SUPT3H: variants seen among roughly 807,000 people sequenced by gnomAD.
SUPT3H encodes SPT3 homolog, SAGA and STAGA complex component.
Under a neutral mutation model 44.3 loss-of-function variants are expected in SUPT3H, and 44 were observed. The ratio of observed to expected loss-of-function variants is 0.99; its 90% CI spans 0.78 to 1.28. SUPT3H has a LOEUF of 1.28. Ranked by LOEUF, SUPT3H falls within the 50% of genes most tolerant of loss-of-function variation. The probability of loss-of-function intolerance (pLI) is 0.00; values close to 1 mark genes in which losing one functional copy is unlikely to be tolerated. For missense variants in SUPT3H, 380 were observed against 387.1 expected, an observed-to-expected ratio of 0.98 and a Z score of 0.15; for synonymous variants, 124 against 125.6, an observed-to-expected ratio of 0.99 and a Z score of 0.09.
At chr6:45,160,799 G>A (rs1229618296) in intron 2 of SUPT3H, among the ~76,000 whole-genome samples, 1 of 152,044 alleles carries the variant, frequency 6.6e-6, no homozygotes, top group African/African-American at 2.4e-5. Context: ...TTCCATTCTA[G>A]GTCTTGATAT....
At chr6:45,264,863 A>C (rs1474404412) in intron 2 of SUPT3H, among the ~76,000 whole-genome samples, 2 of 152,154 alleles carry the variant, frequency 1.3e-5, no homozygotes, top group African/African-American at 4.8e-5. Context: ...AAATTTAGAA[A>C]ACATGAGAAC....
At chr6:45,214,764 A>T (rs1463839204) in intron 2 of SUPT3H, among the ~76,000 whole-genome samples, 2 of 152,152 alleles carry the variant, frequency 1.3e-5, no homozygotes, top group Non-Finnish European at 2.9e-5. Flanking sequence ...GAGGAAGATC[A>T]CTTGAGCCAA....
At chr6:44,865,913 G>C (rs1332621085) in intron 10 of SUPT3H, among the ~76,000 whole-genome samples, 1 of 152,166 alleles carries the variant, frequency 6.6e-6, no homozygotes, top group Non-Finnish European at 1.5e-5. Flanking sequence ...GGGGAGACCT[G>C]AGTCTGCTAA....
At chr6:45,044,973 G>A (rs1308024812) in intron 3 of SUPT3H, among the ~76,000 whole-genome samples, 4 of 152,062 alleles carry the variant, frequency 2.6e-5, no homozygotes, top group Non-Finnish European at 5.9e-5. Context: ...CATCTCTAAG[G>A]TAGCAGTTCT....
chr6:45,134,634 C>G (rs1278853900), intron 2 of SUPT3H, among the ~76,000 whole-genome samples: 1 of 142,354 alleles, frequency 7.0e-6, no homozygotes, highest in Admixed American at 6.9e-5. Flanking sequence ...AGGGTGAAGG[C>G]ATAGGACAGA....
chr6:45,237,314 T>A (rs997037662), intron 2 of SUPT3H, among the ~76,000 whole-genome samples: 1 of 152,170 alleles, frequency 6.6e-6, no homozygotes, highest in African/African-American at 2.4e-5. Context: ...ATAGTTGGAG[T>A]TGGTAAAGCC....
At chr6:45,181,472 T>C (rs1259109194) in intron 2 of SUPT3H, among the ~76,000 whole-genome samples, 3 of 151,946 alleles carry the variant, frequency 2.0e-5, no homozygotes, top group African/African-American at 7.3e-5. Flanking sequence ...AACCCAAATG[T>C]CCAACAATGA....
At chr6:44,854,718 C>T (rs182650532) in intron 10 of SUPT3H, among the ~76,000 whole-genome samples, 223 of 152,110 alleles carry the variant, frequency 1.5e-3, no homozygotes, top group African/African-American at 5.2e-3. Flanking sequence ...AGTAAAAATG[C>T]CAGCATTTAA....
intron 2 of SUPT3H, among the ~76,000 whole-genome samples, chr6:45,352,729 T>C (rs915917015): frequency 6.6e-6 from 1 of 151,614 alleles, no homozygotes; most frequent in African/African-American, 2.4e-5. Context: ...TTCTTTAAAA[T>C]AGAACCATTT....
At chr6:45,374,928 C>T (rs1319428048) in intron 1 of SUPT3H, among the ~76,000 whole-genome samples, 4 of 152,106 alleles carry the variant, frequency 2.6e-5, no homozygotes, top group Non-Finnish European at 5.9e-5. Flanking sequence ...TATTTCTGGC[C>T]GGGCACGGTG....
Position 45,037,509 on chromosome 6 carries a change from A to G in SUPT3H, c.187-16877T>C, listed in dbSNP as rs969561958. On this transcript the variant is annotated intron_variant, in intron 3 of 10. Coordinates refer to ENST00000371459, the MANE Select transcript of SUPT3H (RefSeq NM_003599.4). ...TAAAAATACAAAAAAAAAAAGAAAA[A>G]AAAAGTTAGCCAGGTGTTGTGATGC... Among the ~76,000 whole-genome samples, 4 of 151,092 alleles carry G rather than the reference A, an allele frequency of 2.6e-5. No individual in the cohort carries two copies. The South Asian group carries it at 6.3e-4, about 24-fold the overall frequency.
At chr6:45,173,733 A>G (rs1013793150) in intron 2 of SUPT3H, among the ~76,000 whole-genome samples, 23 of 152,264 alleles carry the variant, frequency 1.5e-4, no homozygotes, top group African/African-American at 5.5e-4. Flanking sequence ...GGCCACATAC[A>G]TACTTCAAAA....
intron 2 of SUPT3H, among the ~76,000 whole-genome samples, chr6:45,207,810 G>A (rs1763429643): frequency 6.6e-6 from 1 of 151,956 alleles, no homozygotes; most frequent in Non-Finnish European, 1.5e-5. Context: ...CTACCACCTG[G>A]CTATTCTCCC....
intron 6 of SUPT3H, among the ~76,000 whole-genome samples, chr6:44,993,033 C>T (rs541488243): frequency 1.3e-5 from 2 of 151,958 alleles, no homozygotes; most frequent in African/African-American, 2.4e-5. Context: ...TGTGGTGGCA[C>T]GTTCCTGTAG....
chr6:44,883,014 C>T (rs533154707), intron 10 of SUPT3H, among the ~76,000 whole-genome samples: 1 of 152,216 alleles, frequency 6.6e-6, no homozygotes, highest in African/African-American at 2.4e-5. Flanking sequence ...CTATTCAACA[C>T]AGTATTTGAA....
At chr6:45,192,493 TA>T (rs1815310274) in intron 2 of SUPT3H, among the ~76,000 whole-genome samples, 1 of 152,188 alleles carries the variant, frequency 6.6e-6, no homozygotes, top group South Asian at 2.1e-4. Context: ...TTTATGTTTT[TA>T]AAGAGTATGT....
At chr6:44,814,208 C>G (rs1466420470) in intron 11 of SUPT3H, among the ~76,000 whole-genome samples, 1 of 152,124 alleles carries the variant, frequency 6.6e-6, no homozygotes, top group Non-Finnish European at 1.5e-5. Flanking sequence ...TAATGCAAAA[C>G]TTTAGGAAAA....
intron 9 of SUPT3H, among the ~76,000 whole-genome samples, chr6:44,945,595 T>G (rs1282262212): frequency 2.0e-5 from 3 of 152,224 alleles, no homozygotes; most frequent in African/African-American, 7.2e-5. Flanking sequence ...AAACTAGCCA[T>G]GACATTTCCT....
rs1769854112 is a variant in SUPT3H, at chr6:45,239,381, T to C, written c.101+125820A>G. On this transcript the variant is annotated intron_variant, in intron 2 of 10. Coordinates refer to ENST00000371459, the MANE Select transcript of SUPT3H (RefSeq NM_003599.4). ...TCTAATGCTACACACTTTCACAATT[T>C]AACCCATGTTAATGCCTCTGGTCTC... 2.6e-5 allele frequency among the ~76,000 whole-genome samples: 4 copies of C among 152,342 alleles called. No individual in the cohort carries two copies. In the South Asian group the frequency reaches 6.2e-4, roughly 24 times the overall value.
Sources: allele counts gnomAD v4.1 joint callset (sites outside exome capture counted in the v4.1 genomes callset), GRCh38; gene constraint gnomAD v4.1.1; transcripts MANE v1.5; gene names NCBI Gene and HGNC (gene_info 2026-07-23, HGNC 2026-07-21).